Variants in NTRK1 observed in about 807,000 individuals in gnomAD.
NTRK1 encodes the protein high affinity nerve growth factor receptor.
In NTRK1, 62 loss-of-function variants were observed where a neutral mutation model predicts 86.8. That is an observed-to-expected ratio of 0.71 (90% confidence interval 0.58 to 0.88). NTRK1 has a LOEUF of 0.88. Ranked by LOEUF, NTRK1 falls within the 40% of genes least tolerant of loss-of-function variation. The pLI is 0.00. For missense variants in NTRK1, 967 were observed against 1,078.4 expected (o/e 0.90, Z 1.45); for synonymous variants, 469 against 456.6 (o/e 1.03, Z -0.35).
At chr1:156,851,186 T>G in intron 2 of NTRK1, 8 of 1,312,396 alleles carry the variant, frequency 6.1e-6, no homozygotes, top group Non-Finnish European at 8.8e-6. Context: ...ACACGCCTAG[T>G]GAGTAGCAAA....
At chr1:156,818,640 C>G (rs1654094848) in intron 1 of NTRK1, among the ~76,000 whole-genome samples, 1 of 152,196 alleles carries the variant, frequency 6.6e-6, no homozygotes, top group Admixed American at 6.5e-5. Flanking sequence ...CAAGATACTG[C>G]AAAAGACATT....
chr1:156,841,086 G>A, intron 1 of NTRK1: 1 of 1,564,238 alleles, frequency 6.4e-7, no homozygotes. Flanking sequence ...GCTGCCAGCA[G>A]CGGCTCATCA....
chr1:156,859,920 C>T (rs1655551752), upstream of NTRK1, among the ~76,000 whole-genome samples: 1 of 152,204 alleles, frequency 6.6e-6, no homozygotes, highest in Admixed American at 6.5e-5. The surrounding 1 kb of genome is among the most constrained non-coding windows in gnomAD (Gnocchi z 6.2). Context: ...GGGTTGGGAC[C>T]AGCCTTCTGC....
chr1:156,866,112 C>T (rs1293084101), intron 3 of NTRK1, among the ~76,000 whole-genome samples: 2 of 152,214 alleles, frequency 1.3e-5, no homozygotes, highest in Non-Finnish European at 2.9e-5. Context: ...ATAGAACTTA[C>T]ACCTGCTCTA....
At chr1:156,867,124 C>T in intron 4 of NTRK1, 146 bp downstream of exon 4, 2 of 855,224 alleles carry the variant, frequency 2.3e-6, no homozygotes, top group East Asian at 2.6e-5. Flanking sequence ...CAGTGAAACC[C>T]CCATCAAAGC....
intron 1 of NTRK1, among the ~76,000 whole-genome samples, chr1:156,827,774 T>C (rs988915179): frequency 6.6e-6 from 1 of 152,192 alleles, no homozygotes; most frequent in Non-Finnish European, 1.5e-5. Flanking sequence ...ACTATGAACC[T>C]GAAATGGTCA....
chr1:156,836,970 C>T (rs1415070262), intron 1 of NTRK1, among the ~76,000 whole-genome samples: 1 of 152,198 alleles, frequency 6.6e-6, no homozygotes, highest in Admixed American at 6.5e-5. Flanking sequence ...ATATCCACGC[C>T]CAGTGGTCAC....
At position 156,816,666 on chromosome 1, in the gene NTRK1, C is replaced by G. The variant is rs766330998; in HGVS notation, c.-64+828C>G. 3.1e-6 allele frequency: 5 copies of G among 1,601,856 alleles called. No individual in the cohort carries two copies. The East Asian group carries it at 1.1e-4, about 37-fold the overall frequency. The stretch of plus-strand genomic sequence containing the variant: ...CCCTCCCACCCATATCCTTCAACTT[C>G]ACACTTACCTTGGGGACATATCTGG... On this transcript the variant is annotated intron_variant, in intron 1 of 16. Coordinates refer to the NTRK1 transcript ENST00000392302.
At chr1:156,869,674 C>A (rs1387082699) in intron 6 of NTRK1, among the ~76,000 whole-genome samples, 1 of 152,250 alleles carries the variant, frequency 6.6e-6, no homozygotes, top group African/African-American at 2.4e-5. Context: ...GTCCTGCCTG[C>A]CCCTGGGCGT....
chr1:156,881,314 G>A (rs1020722483), intron 16 of NTRK1, 143 bp from the exon 17 acceptor site: 6 of 711,170 alleles, frequency 8.4e-6, no homozygotes, highest in Non-Finnish European at 1.4e-5. Flanking sequence ...GGTTGACTGT[G>A]TCCATTCGGG....
intron 4 of NTRK1, 43 bp from the exon 5 acceptor site, chr1:156,868,061 A>G: frequency 1.2e-6 from 2 of 1,612,102 alleles, no homozygotes; most frequent in Non-Finnish European, 1.7e-6. Context: ...GTGATCCCTC[A>G]GGCCCTTTCC....
chr1:156,877,535 G>C (rs181089108), intron 14 of NTRK1, among the ~76,000 whole-genome samples: 42 of 152,332 alleles, frequency 2.8e-4, no homozygotes, highest in Admixed American at 1.0e-3. Flanking sequence ...ATGTTCCCTC[G>C]GTCTAGTCCT....
intron 1 of NTRK1, chr1:156,841,054 G>A: frequency 6.3e-7 from 1 of 1,587,034 alleles, no homozygotes; most frequent in Non-Finnish European, 8.6e-7. Flanking sequence ...GTGTGTGAAA[G>A]ATGGGCGCAG....
Position 156,874,896 on chromosome 1 carries a change from C to A in NTRK1, c.1252-10C>A, listed in dbSNP as rs1205296861. On this transcript the variant is annotated splice_polypyrimidine_tract_variant and intron_variant, in intron 10 of 16. Transcript: ENST00000524377. Reference sequence around the variant, plus strand: ...AGCCCCTGGATCTAACTACCCCTGTCCCCCACCAGGTCTCGGTGGCTGTGG... The same window carrying A: ...AGCCCCTGGATCTAACTACCCCTGTACCCCACCAGGTCTCGGTGGCTGTGG... 2 of 1,597,200 alleles carry A rather than the reference C, an allele frequency of 1.3e-6. No homozygotes were observed. The highest frequency in any genetic ancestry group is 2.2e-5 in the East Asian group (1 of 44,792).
chr1:156,875,047 C>T (rs1359295858), intron 11 of NTRK1, 39 bp downstream of exon 11: 2 of 1,450,290 alleles, frequency 1.4e-6, no homozygotes, highest in South Asian at 2.3e-5. Flanking sequence ...TCTGTCTGTT[C>T]TCCTGGCTTT....
intron 2 of NTRK1, chr1:156,853,923 C>T: frequency 1.2e-6 from 2 of 1,614,112 alleles, no homozygotes; most frequent in South Asian, 2.2e-5. Context: ...TGCAGCAGTC[C>T]CCAGTCAATG....
chr1:156,828,902 C>T (rs1405411348), intron 1 of NTRK1, among the ~76,000 whole-genome samples: 3 of 152,130 alleles, frequency 2.0e-5, no homozygotes, highest in East Asian at 1.9e-4. Flanking sequence ...GCTGTCAGGC[C>T]GGAATTATTA....
Position 156,879,043 on chromosome 1 carries a change from G to A in NTRK1, c.1806-79G>A, listed in dbSNP as rs959781228. On this transcript the variant is annotated intron_variant, in intron 14 of 16. Coordinates refer to ENST00000524377, the MANE Select transcript of NTRK1 (RefSeq NM_002529.4). The stretch of plus-strand genomic sequence containing the variant: ...CCCAGTCTCCTCTCCCATCACACGC[G>A]GCTGCTGGGGATCGCCTTCCTCAGG... The A allele has an allele frequency of 8.4e-6, 13 of 1,554,988 alleles. No homozygotes were observed. In the Admixed American group the frequency reaches 1.0e-4, roughly 13 times the overall value.
At chr1:156,839,831 G>A (rs183520365) in intron 1 of NTRK1, among the ~76,000 whole-genome samples, 1 of 152,234 alleles carries the variant, frequency 6.6e-6, no homozygotes, top group African/African-American at 2.4e-5. Context: ...TTCCCTGCCG[G>A]GCTCAACCAC....
Sources: allele counts gnomAD v4.1 joint callset (sites outside exome capture counted in the v4.1 genomes callset), GRCh38; gene constraint gnomAD v4.1.1; non-coding constraint Gnocchi (gnomAD v3.1); transcripts MANE v1.5; gene names NCBI Gene and HGNC (gene_info 2026-07-23, HGNC 2026-07-21).